The following ATG16L2 variants were observed in gnomAD, a reference collection of about 807,000 sequenced individuals.
ATG16L2 encodes protein Atg16l2.
Under a neutral mutation model 84.7 loss-of-function variants are expected in ATG16L2, and 77 were observed. The observed-to-expected ratio is 0.91, with a 90% CI of 0.76 to 1.10. The LOEUF (loss-of-function observed/expected upper bound fraction) is 1.10, where lower values mean the gene tolerates loss of function less well. Among genes scored for constraint, ATG16L2 ranks in the 50% least tolerant of loss-of-function variants. ATG16L2 has a pLI of 0.00. For synonymous variants in ATG16L2, 361 were observed against 342.8 expected, an observed-to-expected ratio of 1.05 and a Z score of -0.59; for missense variants, 782 against 817.6, an observed-to-expected ratio of 0.96 and a Z score of 0.53.
rs761238915 is a variant in ATG16L2 at position 72,828,720 on chromosome 11, T to C, written c.1623-9T>C. The C allele has an allele frequency of 1.2e-6, 2 of 1,614,072 alleles. No individual in the cohort carries two copies. The highest frequency in any genetic ancestry group is 4.5e-5 in the East Asian group (2 of 44,862). On this transcript the variant is annotated splice_polypyrimidine_tract_variant and intron_variant, in intron 15 of 17. Coordinates refer to ENST00000321297, the MANE Select transcript of ATG16L2 (RefSeq NM_033388.2). ...CCTCTGTTCTGACCCCAGCCCTGTC[T>C]GTCCTCAGGGCCGATGGCTTCAAGT...
chr11:72,822,825 C>G lies in ATG16L2; in HGVS notation c.711-23C>G. The G allele has an allele frequency of 2.0e-6, 3 of 1,526,694 alleles. No individual in the cohort carries two copies. Among genetic ancestry groups the G allele is most frequent in the Non-Finnish European group, 2.7e-6 (3 of 1,132,040 alleles). The allele number at this position is 1,526,694 out of a possible 1,614,324, so 94.6% of individuals were successfully genotyped here. On this transcript the variant is annotated intron_variant, in intron 6 of 17. Coordinates refer to ENST00000321297, the MANE Select transcript of ATG16L2 (RefSeq NM_033388.2). This position sits in a 1 kb window ranked among gnomAD's most constrained non-coding sequence, Gnocchi z 4.2. ...GGGCTGGCTTGGTCCCTTGGCCTTT[C>G]TGAACTTCATTACCTCTCCTAGGGG...
chr11:72,821,478 G>A (rs1859987154), intron 3 of ATG16L2, 190 bp from the exon 4 acceptor site: 19 of 1,403,596 alleles, frequency 1.4e-5, no homozygotes, highest in Non-Finnish European at 1.8e-5. Context: ...TCCAGAGCCC[G>A]AGGGCCTTCC....
rs12293084 is a variant in ATG16L2 at position 72,829,233 on chromosome 11, G to A, written c.1773-70G>A. ...GGCCTCAAACTACCCAGGTCCAGCA[G>A]TCGGGGCAGAGCCAGGTTGCAGGCG... On this transcript the variant is annotated intron_variant, in intron 17 of 17. Coordinates refer to ENST00000321297, the MANE Select transcript of ATG16L2 (RefSeq NM_033388.2). 1.0e-3 allele frequency: 1,602 copies of A among 1,540,948 alleles called. 14 individuals are homozygous for A. In the African/African-American group the frequency reaches 0.017, roughly 16 times the overall value.
At position 72,825,387 on chromosome 11, in the gene ATG16L2, A is replaced by G. The variant is rs1309730589; in HGVS notation, c.1082A>G (p.His361Arg). 1.2e-6 allele frequency: 2 copies of G among 1,612,294 alleles called. No individual in the cohort carries two copies. The highest frequency in any genetic ancestry group is 1.7e-6 in the Non-Finnish European group (2 of 1,179,866). Residue 361 changes from histidine (H) to arginine (R), a missense_variant, in exon 10 of 18, where the codon CAC becomes CGC. Coordinates refer to ENST00000321297, the MANE Select transcript of ATG16L2 (RefSeq NM_033388.2). ...LATGGADRLI[H>R]LWNVVGSRLE... ...ACTGGAGGGGCTGACCGCCTGATCC[A>G]CCTCTGGAATGTTGTGGGAAGTAAG...
Position 72,828,887 on chromosome 11 carries a change from G to C in ATG16L2, c.1675G>C (p.Asp559His), listed in dbSNP as rs1565273230. Residue 559 changes from aspartate to histidine, a missense_variant, in exon 17 of 18, where the codon GAC becomes CAC. By Grantham distance (81) the Asp-to-His change is moderately conservative (BLOSUM62 -1). Transcript: ENST00000321297. ...GCTCTGCTGTGGCCACTACAGCCCG[G>C]ACAGAAGCTATGCACTGGCAGGCTC... ...SDWTKAVFSP[D>H]RSYALAGSCD... is the part of the protein sequence containing the mutation. The C allele has an allele frequency of 6.2e-7, 1 of 1,614,202 alleles. No individual in the cohort carries two copies. Among genetic ancestry groups the C allele is most frequent in the Admixed American group, 1.7e-5 (1 of 60,022 alleles).
chr11:72,832,930 C>T (rs1443086710), downstream of ATG16L2, among the ~76,000 whole-genome samples: 1 of 152,168 alleles, frequency 6.6e-6, no homozygotes, highest in African/African-American at 2.4e-5. Flanking sequence ...ACTTCCTGCC[C>T]CAAGCCTCCC....
chr11:72,833,952 A>C (rs1161288648), downstream of ATG16L2, among the ~76,000 whole-genome samples: 1 of 151,846 alleles, frequency 6.6e-6, no homozygotes, highest in Non-Finnish European at 1.5e-5. Context: ...TTTTCAGGAA[A>C]ATATTCCCAG....
chr11:72,827,758 G>A (rs568759470), intron 14 of ATG16L2, among the ~76,000 whole-genome samples: 55 of 152,210 alleles, frequency 3.6e-4, no homozygotes, highest in Non-Finnish European at 7.5e-4. Flanking sequence ...AGCCAACATG[G>A]CGAAACCCTG....
At position 72,814,549 on chromosome 11, in the gene ATG16L2, A is replaced by T. The variant is rs1490688985; in HGVS notation, c.104A>T (p.Glu35Val). The change falls in exon 1 of 18, where the codon GAG (glutamate) becomes GTG (valine). Residue 35 changes from glutamate (E) to valine (V), a missense_variant. Physicochemically the swap from Glu to Val is moderately radical, Grantham distance 121 (BLOSUM62 -2). Transcript: ENST00000321297. ...RDRTQKALFLELVPAYNHLLE... is the reference protein window; with the variant it reads ...RDRTQKALFLVLVPAYNHLLE... Reference sequence around the variant, plus strand: ...CGTACGCAAAAGGCGCTTTTCCTGGAGCTGGTGCCGGCCTGTGAGTGCGCC... The same window carrying T: ...CGTACGCAAAAGGCGCTTTTCCTGGTGCTGGTGCCGGCCTGTGAGTGCGCC... 10 of 1,574,476 alleles carry T rather than the reference A, an allele frequency of 6.4e-6. 1 individual carries two copies. Among genetic ancestry groups the T allele is most frequent in the Non-Finnish European group, 8.6e-6 (10 of 1,158,848 alleles).
chr11:72,829,286 C>T lies in ATG16L2; in HGVS notation c.1773-17C>T, dbSNP rs1030547496. On this transcript the variant is annotated splice_polypyrimidine_tract_variant and intron_variant, in intron 17 of 17. Coordinates refer to ENST00000321297, the MANE Select transcript of ATG16L2 (RefSeq NM_033388.2). ...GTTCCTGAAGCCCCCCTGAAGCCTG[C>T]CCCTCCCTTTCCCCAGCGCTGCCGT... 6.2e-7 allele frequency: 1 copy of T among 1,611,582 alleles called. No homozygotes were observed.
chr11:72,833,372 C>T (rs746724170), downstream of ATG16L2, among the ~76,000 whole-genome samples: 9 of 152,242 alleles, frequency 5.9e-5, no homozygotes, highest in Non-Finnish European at 1.2e-4. Context: ...CTATTTCATC[C>T]TCCTGGATCT....
downstream of ATG16L2, among the ~76,000 whole-genome samples, chr11:72,834,270 C>A (rs1042600223): frequency 2.4e-4 from 36 of 152,130 alleles, 1 homozygote; most frequent in African/African-American, 8.2e-4. Flanking sequence ...ATCCTAAGGC[C>A]ACTGGGAGAG....
At chr11:72,837,223 A>C (rs1189630986) in intron 5 of ATG16L2, 1 of 152,526 alleles carries the variant, frequency 6.6e-6, no homozygotes, top group Non-Finnish European at 1.5e-5. Flanking sequence ...CAGGTTAAGA[A>C]GTGTAAAAAA....
chr11:72,832,140 G>A (rs988508135), downstream of ATG16L2, among the ~76,000 whole-genome samples: 5 of 152,212 alleles, frequency 3.3e-5, no homozygotes, highest in Admixed American at 6.5e-5. Context: ...GGCCAGCTGC[G>A]CCATTGCGTT....
chr11:72,821,188 T>C, intron 3 of ATG16L2: 1 of 984,380 alleles, frequency 1.0e-6, no homozygotes. Context: ...TCGGTGTCCT[T>C]GTCTGTGAAG....
chr11:72,841,695 T>C (rs1860957910), intron 5 of ATG16L2: 2 of 1,181,846 alleles, frequency 1.7e-6, no homozygotes, highest in South Asian at 1.8e-5. Context: ...AGCTGATTGT[T>C]GAAACTTGTC....
chr11:72,842,096 C>T (rs1461953211), intron 5 of ATG16L2, among the ~76,000 whole-genome samples: 2 of 152,198 alleles, frequency 1.3e-5, no homozygotes, highest in African/African-American at 2.4e-5. Context: ...ACAAACTAAA[C>T]TCTGACTGAA....
Position 72,825,363 on chromosome 11 carries a change from C to G in ATG16L2, c.1058C>G (p.Thr353Ser), listed in dbSNP as rs781750008. Reference sequence around the variant, plus strand: ...GGCCCCAACAGCAGCCTCCTGGCCACTGGAGGGGCTGACCGCCTGATCCAC... The same window carrying G: ...GGCCCCAACAGCAGCCTCCTGGCCAGTGGAGGGGCTGACCGCCTGATCCAC... ...RFGPNSSLLATGGADRLIHLW... is the reference protein window; with the variant it reads ...RFGPNSSLLASGGADRLIHLW... The change falls in exon 10 of 18, where the codon ACT becomes AGT. Residue 353 changes from threonine to serine, a missense_variant. Coordinates refer to ENST00000321297, the MANE Select transcript of ATG16L2 (RefSeq NM_033388.2). The G allele has an allele frequency of 2.5e-6, 4 of 1,613,438 alleles. No homozygotes were observed. The highest frequency in any genetic ancestry group is 3.4e-6 in the Non-Finnish European group (4 of 1,179,992).
At chr11:72,826,063 G>C in intron 10 of ATG16L2, 110 bp from the exon 11 acceptor site, 1 of 852,592 alleles carries the variant, frequency 1.2e-6, no homozygotes, top group South Asian at 1.6e-5. Context: ...TCTAACCTGG[G>C]GATGTGTCGG....
Sources: allele counts gnomAD v4.1 joint callset (sites outside exome capture counted in the v4.1 genomes callset), GRCh38; gene constraint gnomAD v4.1.1; non-coding constraint Gnocchi (gnomAD v3.1); transcripts MANE v1.5; gene names NCBI Gene and HGNC (gene_info 2026-07-23, HGNC 2026-07-21).